Variants in ARMC9 observed in about 807,000 individuals in gnomAD.
ARMC9 encodes the protein lisH domain-containing protein ARMC9.
ARMC9 carries 94 observed loss-of-function variants against 107.0 expected under a neutral mutation model. The observed-to-expected ratio is 0.88, with a 90% CI of 0.74 to 1.04. ARMC9 has a LOEUF of 1.04. Ranked by LOEUF, ARMC9 falls within the 50% of genes least tolerant of loss-of-function variation. ARMC9 has a pLI of 0.00. For synonymous variants in ARMC9, 380 were observed against 396.9 expected (o/e 0.96, Z 0.51); for missense variants, 942 against 1,030.1 (o/e 0.91, Z 1.17).
At chr2:231,326,466 C>T (rs2043324520) in intron 19 of ARMC9, among the ~76,000 whole-genome samples, 1 of 152,232 alleles carries the variant, frequency 6.6e-6, no homozygotes, top group Non-Finnish European at 1.5e-5. Context: ...GGAAAAGGCT[C>T]TGGATTGATC....
intron 19 of ARMC9, among the ~76,000 whole-genome samples, chr2:231,321,498 T>C (rs533459351): frequency 2.0e-5 from 3 of 152,362 alleles, no homozygotes; most frequent in African/African-American, 7.2e-5. Flanking sequence ...ATAGACATTA[T>C]ATTGAATAAT....
chr2:231,266,597 T>A (rs979915469), intron 12 of ARMC9, among the ~76,000 whole-genome samples: 2 of 152,180 alleles, frequency 1.3e-5, no homozygotes, highest in African/African-American at 2.4e-5. Context: ...CATTAAGCAA[T>A]AATTCTCCAT....
chr2:231,300,602 G>A (rs1284503905), intron 19 of ARMC9, among the ~76,000 whole-genome samples: 3 of 152,282 alleles, frequency 2.0e-5, no homozygotes, highest in East Asian at 1.9e-4. Context: ...TTTCACAGAT[G>A]AAGAGACAGA....
At chr2:231,341,553 T>C (rs1156564354) in intron 20 of ARMC9, among the ~76,000 whole-genome samples, 1 of 149,796 alleles carries the variant, frequency 6.7e-6, no homozygotes, top group Non-Finnish European at 1.5e-5. Context: ...GTGAATATTA[T>C]GTAGACTGCT....
At chr2:231,294,780 G>C (rs556337361) in intron 18 of ARMC9, 4 of 152,402 alleles carry the variant, frequency 2.6e-5, no homozygotes, top group Non-Finnish European at 5.9e-5. Flanking sequence ...GGTGTATGCT[G>C]TTGGTGGATA....
At chr2:231,291,671 C>T (rs1317134499) in intron 18 of ARMC9, among the ~76,000 whole-genome samples, 1 of 151,854 alleles carries the variant, frequency 6.6e-6, no homozygotes, top group Non-Finnish European at 1.5e-5. Flanking sequence ...CAAAAATTAG[C>T]CAGGTGTGGT....
intron 20 of ARMC9, 127 bp downstream of exon 20, chr2:231,332,024 C>G: frequency 1.3e-6 from 1 of 759,068 alleles, no homozygotes; most frequent in Non-Finnish European, 2.2e-6. Context: ...ATGAGAAGGT[C>G]CATGTTAGCC....
intron 1 of ARMC9, among the ~76,000 whole-genome samples, chr2:231,201,528 A>G (rs1428923894): frequency 6.6e-6 from 1 of 151,980 alleles, no homozygotes. Context: ...GCTTTTTAGT[A>G]CTAGTCACCT....
chr2:231,275,225 T>C (rs1010884513), intron 14 of ARMC9, among the ~76,000 whole-genome samples: 7 of 152,160 alleles, frequency 4.6e-5, no homozygotes, highest in Non-Finnish European at 1.0e-4. Context: ...GCCACCCTGA[T>C]TGGGTCAGTG....
chr2:231,343,881 A>G (rs1483523461), intron 20 of ARMC9, among the ~76,000 whole-genome samples: 2 of 151,870 alleles, frequency 1.3e-5, no homozygotes, highest in Non-Finnish European at 2.9e-5. Flanking sequence ...CCTGGGCAAC[A>G]TGGCAAGACC....
At chr2:231,243,442 T>C (rs902612672) in intron 9 of ARMC9, among the ~76,000 whole-genome samples, 1 of 152,070 alleles carries the variant, frequency 6.6e-6, no homozygotes, top group Non-Finnish European at 1.5e-5. Context: ...TGACATGTTA[T>C]TAAGCACGGT....
Position 231,214,995 on chromosome 2 carries a change from G to T in ARMC9, c.342G>T (p.Gly114=), listed in dbSNP as rs763095603. 2 of 1,614,102 alleles carry T rather than the reference G, an allele frequency of 1.2e-6. No individual in the cohort carries two copies. The highest frequency in any genetic ancestry group is 1.7e-6 in the Non-Finnish European group (2 of 1,179,994). Residue 114 remains glycine, a synonymous_variant, in exon 4 of 25, where the codon GGG becomes GGT. Coordinates refer to ENST00000611582, the MANE Select transcript of ARMC9 (RefSeq NM_001352754.2). ...FAIYLLKYSV[G]RPDKEELDEK... ...TCTATCTTTTGAAGTACTCTGTGGG[G>T]AGACCGGTGGGTTTACCTGGTGATG...
chr2:231,249,789 T>G (rs2037120910), intron 9 of ARMC9, among the ~76,000 whole-genome samples: 1 of 151,760 alleles, frequency 6.6e-6, no homozygotes, highest in Admixed American at 6.6e-5. Context: ...CATCTTCAGA[T>G]GGGAGCATAC....
At chr2:231,325,219 C>T (rs2043248406) in intron 19 of ARMC9, among the ~76,000 whole-genome samples, 1 of 152,074 alleles carries the variant, frequency 6.6e-6, no homozygotes, top group South Asian at 2.1e-4. Flanking sequence ...GAGCAAGAGA[C>T]CCTGTCTCAG....
At chr2:231,307,594 C>G (rs376676378) in intron 19 of ARMC9, among the ~76,000 whole-genome samples, 5 of 152,306 alleles carry the variant, frequency 3.3e-5, no homozygotes, top group African/African-American at 1.2e-4. Context: ...CCTGGCCTCA[C>G]TGAATATCTA....
At chr2:231,257,895 C>T (rs1193513489) in intron 10 of ARMC9, among the ~76,000 whole-genome samples, 2 of 152,128 alleles carry the variant, frequency 1.3e-5, no homozygotes, top group African/African-American at 4.8e-5. Flanking sequence ...AATAAAACAA[C>T]AATAAAACAA....
rs192206739 is a variant in ARMC9 at position 231,352,850 on chromosome 2, G to A, written c.1995-2948G>A. On this transcript the variant is annotated intron_variant, in intron 21 of 24. Transcript: ENST00000611582. Reference sequence around the variant, plus strand: ...AAATTAGAAATTACATTCCCAGGCCGGGCGCGGGGGCTCACACCAGCCTGG... The same window carrying A: ...AAATTAGAAATTACATTCCCAGGCCAGGCGCGGGGGCTCACACCAGCCTGG... 2.2e-3 allele frequency among the ~76,000 whole-genome samples: 288 copies of A among 129,178 alleles called. 5 individuals are homozygous for A. Among genetic ancestry groups the A allele is most frequent in the African/African-American group, 0.012 (274 of 22,002 alleles). The allele number at this position is 129,178 out of a possible 152,430, so 84.7% of individuals were successfully genotyped here. A position where few individuals can be genotyped will look rare whatever the true frequency, so the allele number is the denominator to read the frequency against.
intron 10 of ARMC9, among the ~76,000 whole-genome samples, chr2:231,257,989 G>T (rs1040207104): frequency 2.0e-5 from 3 of 152,082 alleles, no homozygotes; most frequent in African/African-American, 4.8e-5. Context: ...TGGCAGGGCA[G>T]TCTGAGCTGT....
chr2:231,258,203 G>T (rs1482097384), intron 10 of ARMC9, among the ~76,000 whole-genome samples: 1 of 151,676 alleles, frequency 6.6e-6, no homozygotes, highest in Non-Finnish European at 1.5e-5. Context: ...TCTTTTCTTT[G>T]AGACGGAGTC....
Sources: gnomAD v4.1 joint callset for allele counts (sites outside exome capture counted in the v4.1 genomes callset) on GRCh38, gnomAD v4.1.1 for gene constraint, MANE v1.5 for transcripts, NCBI Gene and HGNC (gene_info 2026-07-23, HGNC 2026-07-21) for gene names.